The following RIPOR2 variants were observed in gnomAD, a reference collection of about 807,000 sequenced individuals.
RIPOR2 encodes rho family-interacting cell polarization regulator 2.
In RIPOR2, 39 loss-of-function variants were observed where a neutral mutation model predicts 114.5. The ratio of observed to expected loss-of-function variants is 0.34; its 90% CI spans 0.26 to 0.44. The LOEUF (loss-of-function observed/expected upper bound fraction) is 0.44, where lower values mean the gene tolerates loss of function less well. RIPOR2 is among the 20% of genes least tolerant of loss of function. The probability of loss-of-function intolerance (pLI) is 1.00; values close to 1 mark genes in which losing one functional copy is unlikely to be tolerated. For missense variants in RIPOR2, 1,007 were observed against 1,255.1 expected (o/e 0.80, Z 2.99); for synonymous variants, 445 against 484.4 (o/e 0.92, Z 1.07).
At chr6:24,869,310 AT>A (rs1347696771) in intron 5 of RIPOR2, among the ~76,000 whole-genome samples, 163 bp from the exon 6 acceptor site, 3 of 130,878 alleles carry the variant, frequency 2.3e-5, no homozygotes, top group South Asian at 5.0e-4. Context: ...TCTAATACCA[AT>A]TTGGATTTTT....
chr6:24,895,597 T>C (rs1406361873), intron 1 of RIPOR2, among the ~76,000 whole-genome samples: 3 of 152,208 alleles, frequency 2.0e-5, no homozygotes, highest in Non-Finnish European at 4.4e-5. Context: ...CACAAAATAT[T>C]TGAAAAAGGC....
At chr6:24,840,863 C>T in intron 13 of RIPOR2, 1 of 1,229,562 alleles carries the variant, frequency 8.1e-7, no homozygotes, top group Admixed American at 2.0e-5. Flanking sequence ...TGCCCCAGAC[C>T]TAAACACACT....
chr6:24,970,059 A>G (rs1372242563), intron 1 of RIPOR2, among the ~76,000 whole-genome samples: 2 of 152,150 alleles, frequency 1.3e-5, no homozygotes, highest in African/African-American at 4.8e-5. Flanking sequence ...AGAAGAGGCA[A>G]GAGGACTCTG....
chr6:24,967,773 T>C (rs914855475), intron 1 of RIPOR2, among the ~76,000 whole-genome samples: 29 of 152,092 alleles, frequency 1.9e-4, no homozygotes, highest in African/African-American at 7.0e-4. Context: ...TTATTTTCCT[T>C]TGTGGATGAG....
At chr6:25,029,431 A>AAAG (rs1234685415) in intron 1 of RIPOR2, among the ~76,000 whole-genome samples, 41 of 151,288 alleles carry the variant, frequency 2.7e-4, no homozygotes, top group African/African-American at 9.4e-4. Flanking sequence ...AAAAAAAAAA[A>AAAG]AAGAAGAAGA....
intron 1 of RIPOR2, among the ~76,000 whole-genome samples, chr6:25,035,298 A>G (rs1358709073): frequency 6.6e-6 from 1 of 152,156 alleles, no homozygotes; most frequent in Non-Finnish European, 1.5e-5. Flanking sequence ...TTTCTTTTTT[A>G]TACTTGGGGT....
chr6:24,852,517 A>AC, intron 9 of RIPOR2, 58 bp downstream of exon 9: 2 of 1,279,266 alleles, frequency 1.6e-6, no homozygotes, highest in East Asian at 4.6e-5. Flanking sequence ...ATGACATGAC[A>AC]ACTGGCCCCT....
At chr6:24,838,454 G>A (rs1761305799) in intron 14 of RIPOR2, among the ~76,000 whole-genome samples, 1 of 152,110 alleles carries the variant, frequency 6.6e-6, no homozygotes, top group African/African-American at 2.4e-5. Context: ...AGTTAATTTG[G>A]AATTAATTAC....
At chr6:24,977,371 C>T (rs767354567) in intron 1 of RIPOR2, among the ~76,000 whole-genome samples, 7 of 151,266 alleles carry the variant, frequency 4.6e-5, no homozygotes, top group Non-Finnish European at 1.0e-4. Context: ...GACTATGTGT[C>T]CCCCCTTCCC....
At chr6:24,936,071 T>C, upstream of RIPOR2, 5 of 571,660 alleles carry the variant, frequency 8.7e-6, no homozygotes, top group South Asian at 2.1e-5. Context: ...TTCTTGAGCC[T>C]TGTGAAGAGT....
Position 24,855,396 on chromosome 6 carries a change from A to G in RIPOR2, c.716-2778T>C, listed in dbSNP as rs150626548. ...TATTTTTTTTTTGTTATATTTCTCA[A>G]TGTTTTAAAAAAAGAAGTTACTACT... On this transcript the variant is annotated intron_variant, in intron 8 of 21. Coordinates refer to ENST00000643898, the MANE Select transcript of RIPOR2 (RefSeq NM_001286445.3). Among the ~76,000 whole-genome samples the G allele has an allele frequency of 3.8e-3, 578 of 152,144 alleles. 2 individuals are homozygous for G. Among genetic ancestry groups the G allele is most frequent in the Middle Eastern group, 0.01 (3 of 294 alleles).
At chr6:24,943,933 G>C (rs1772274783) in intron 1 of RIPOR2, among the ~76,000 whole-genome samples, 2 of 152,064 alleles carry the variant, frequency 1.3e-5, no homozygotes, top group Admixed American at 1.3e-4. Flanking sequence ...TCTTTTCCTT[G>C]GGGGTGTTTG....
At chr6:24,863,756 T>C (rs1237298152) in intron 7 of RIPOR2, among the ~76,000 whole-genome samples, 1 of 152,266 alleles carries the variant, frequency 6.6e-6, no homozygotes, top group Non-Finnish European at 1.5e-5. Flanking sequence ...TATATGTTCA[T>C]GTCACATTAT....
chr6:24,841,529 T>A lies in RIPOR2; in HGVS notation c.1857+1333A>T, dbSNP rs1367216561. ...TCCTACAGAGTTAGGTCAGCAAGACTGAGTAGAGAAGGATAAGATGGTCAA... is the reference window on the plus strand; with the variant it reads ...TCCTACAGAGTTAGGTCAGCAAGACAGAGTAGAGAAGGATAAGATGGTCAA... On this transcript the variant is annotated intron_variant, in intron 13 of 21. Transcript: ENST00000643898. Among the ~76,000 whole-genome samples, 7 of 151,676 alleles carry A rather than the reference T, an allele frequency of 4.6e-5. No homozygotes were observed. The East Asian group carries it at 1.2e-3, about 25-fold the overall frequency.
Position 25,029,411 on chromosome 6 carries a change from GAAAAAAA to G in RIPOR2, c.76+12433_76+12439del, listed in dbSNP as rs71544610. On this transcript the variant is annotated intron_variant, in intron 1 of 13. Transcript: ENST00000510784. The stretch of plus-strand genomic sequence containing the variant: ...CAGAGCGAGACTCCGTCTCAAAAAA[GAAAAAAA>G]AAAAAAAAAAAAAAAGAAGAAGAAG... 2.5e-4 allele frequency among the ~76,000 whole-genome samples: 23 copies of G among 90,616 alleles called. No homozygotes were observed. The Middle Eastern group carries it at 0.03, about 118-fold the overall frequency. 59.4% of individuals were successfully genotyped at this position (90,616 alleles called of 152,430 possible). A position where few individuals can be genotyped will look rare whatever the true frequency, so the allele number is the denominator to read the frequency against.
At position 24,847,519 on chromosome 6, in the gene RIPOR2, A is replaced by G. The variant is rs1351882904; in HGVS notation, c.1164+506T>C. 5 of 1,549,256 alleles carry G rather than the reference A, an allele frequency of 3.2e-6. No homozygotes were observed. In the South Asian group the frequency reaches 6.0e-5, roughly 18 times the overall value. ...ACAAGCCCCAGAAGTCAAGCACTCC[A>G]TACCCGGGCAGGCCACACTCACATA... On this transcript the variant is annotated intron_variant, in intron 12 of 21. Transcript: ENST00000643898.
At chr6:24,888,192 C>T (rs996975767) in intron 1 of RIPOR2, among the ~76,000 whole-genome samples, 18 of 152,118 alleles carry the variant, frequency 1.2e-4, no homozygotes, top group African/African-American at 3.4e-4. Flanking sequence ...TTGGCTGATC[C>T]AGCTGAGAGA....
At chr6:24,987,306 TCA>T (rs1774571528) in intron 1 of RIPOR2, among the ~76,000 whole-genome samples, 1 of 152,190 alleles carries the variant, frequency 6.6e-6, no homozygotes, top group Non-Finnish European at 1.5e-5. Context: ...CCAGCAAGTC[TCA>T]GTTTCCTCAG....
At chr6:24,999,353 G>A (rs1444125572) in intron 1 of RIPOR2, among the ~76,000 whole-genome samples, 1 of 152,116 alleles carries the variant, frequency 6.6e-6, no homozygotes, top group African/African-American at 2.4e-5. Flanking sequence ...AAAGTGGGCG[G>A]CATGACAATT....
Sources: allele counts gnomAD v4.1 joint callset (sites outside exome capture counted in the v4.1 genomes callset), GRCh38; gene constraint gnomAD v4.1.1; transcripts MANE v1.5; gene names NCBI Gene and HGNC (gene_info 2026-07-23, HGNC 2026-07-21).